The following OPCML variants were observed in gnomAD, a reference collection of about 807,000 sequenced individuals.
The protein encoded by OPCML is opioid binding protein/cell adhesion molecule like, also known as opioid-binding protein/cell adhesion molecule.
In OPCML, 13 loss-of-function variants were observed where a neutral mutation model predicts 37.8. The ratio of observed to expected loss-of-function variants is 0.34; its 90% CI spans 0.22 to 0.55. The LOEUF is 0.55. Ranked by LOEUF, OPCML falls within the 20% of genes least tolerant of loss-of-function variation. OPCML has a pLI of 0.91. For synonymous variants in OPCML, 176 were observed against 168.8 expected, an observed-to-expected ratio of 1.04 and a Z score of -0.33; for missense variants, 341 against 435.6, an observed-to-expected ratio of 0.78 and a Z score of 1.93.
intron 1 of OPCML, among the ~76,000 whole-genome samples, chr11:133,254,251 G>T (rs1161930569): frequency 6.6e-6 from 1 of 152,148 alleles, no homozygotes; most frequent in Non-Finnish European, 1.5e-5. Flanking sequence ...AGCACATTTT[G>T]GGCAGCAGGA....
chr11:132,936,136 A>T (rs745692645), intron 2 of OPCML, among the ~76,000 whole-genome samples: 2 of 152,292 alleles, frequency 1.3e-5, no homozygotes, highest in South Asian at 4.1e-4. Context: ...CCAAGAAGCA[A>T]GGAGACTCTA....
intron 4 of OPCML, among the ~76,000 whole-genome samples, chr11:132,488,716 T>A (rs1265026239): frequency 1.3e-5 from 2 of 152,248 alleles, no homozygotes; most frequent in Non-Finnish European, 2.9e-5. Context: ...TATTTTACTT[T>A]ACCAACATAA....
intron 2 of OPCML, among the ~76,000 whole-genome samples, chr11:132,821,285 C>A (rs1939971128): frequency 6.6e-6 from 1 of 152,152 alleles, no homozygotes; most frequent in African/African-American, 2.4e-5. Flanking sequence ...GCAAGGAGAT[C>A]CAGACATCCC....
chr11:132,442,304 T>A (rs1264977637), intron 4 of OPCML, among the ~76,000 whole-genome samples: 1 of 152,174 alleles, frequency 6.6e-6, no homozygotes, highest in African/African-American at 2.4e-5. Flanking sequence ...TATTTGGGGA[T>A]GAAAAAGATC....
chr11:132,922,113 C>T (rs1317187426), intron 2 of OPCML, among the ~76,000 whole-genome samples: 3 of 152,046 alleles, frequency 2.0e-5, no homozygotes, highest in African/African-American at 7.2e-5. Flanking sequence ...CTCCTGACCT[C>T]GTGATCCACC....
chr11:133,328,869 A>G lies in OPCML; in HGVS notation c.61+203395T>C, dbSNP rs573018483. Among the ~76,000 whole-genome samples, 238 of 152,314 alleles carry G rather than the reference A, an allele frequency of 1.6e-3. 6 individuals carry two copies. Among genetic ancestry groups the G allele is most frequent in the Middle Eastern group, 0.014 (4 of 294 alleles). On this transcript the variant is annotated intron_variant, in intron 1 of 7. Transcript: ENST00000524381. The stretch of plus-strand genomic sequence containing the variant: ...AGGAGAAGGAAATAAAGGGTATTCA[A>G]TTAGGAAAAGAGGAAGTCAAATTGT...
At chr11:132,445,359 A>C (rs1214002086) in intron 4 of OPCML, among the ~76,000 whole-genome samples, 1 of 152,220 alleles carries the variant, frequency 6.6e-6, no homozygotes, top group African/African-American at 2.4e-5. Flanking sequence ...CGAGGATGAC[A>C]CAAAGACAAA....
intron 1 of OPCML, among the ~76,000 whole-genome samples, chr11:133,456,244 C>T (rs931440892): frequency 6.6e-6 from 1 of 152,148 alleles, no homozygotes; most frequent in Non-Finnish European, 1.5e-5. Context: ...CAAATTAGGA[C>T]ATTTTAAAGC....
intron 1 of OPCML, among the ~76,000 whole-genome samples, chr11:133,512,195 C>T (rs555028177): frequency 6.6e-6 from 1 of 152,348 alleles, no homozygotes; most frequent in Admixed American, 6.5e-5. Context: ...AGCAACAAAT[C>T]AGGATTTGTC....
chr11:132,774,232 A>T (rs1179554803), intron 2 of OPCML, among the ~76,000 whole-genome samples: 1 of 152,214 alleles, frequency 6.6e-6, no homozygotes, highest in African/African-American at 2.4e-5. Context: ...GGTTCAAAAC[A>T]CGCAGCCTGG....
chr11:132,748,063 CTTT>C (rs34569655), intron 2 of OPCML, among the ~76,000 whole-genome samples: 8 of 140,450 alleles, frequency 5.7e-5, no homozygotes, highest in Admixed American at 7.0e-5. Context: ...AGCTGCTTGT[CTTT>C]TTTTTTTTTT....
At chr11:133,166,932 T>C (rs1239821633) in intron 1 of OPCML, among the ~76,000 whole-genome samples, 1 of 152,214 alleles carries the variant, frequency 6.6e-6, no homozygotes, top group Non-Finnish European at 1.5e-5. Flanking sequence ...GTGTGATTAA[T>C]GGCAAATAGG....
chr11:132,914,959 C>A (rs1323108764), intron 2 of OPCML, among the ~76,000 whole-genome samples: 1 of 152,234 alleles, frequency 6.6e-6, no homozygotes, highest in Non-Finnish European at 1.5e-5. Flanking sequence ...TATAACCAAT[C>A]ACATTGCCCT....
At chr11:133,293,878 A>T (rs1942551126) in intron 1 of OPCML, among the ~76,000 whole-genome samples, 1 of 87,994 alleles carries the variant, frequency 1.1e-5, no homozygotes, top group South Asian at 5.1e-4. Flanking sequence ...CATCCTAAAG[A>T]AAAAAAAAAA....
intron 1 of OPCML, chr11:133,007,119 T>C: frequency 1.0e-6 from 1 of 985,456 alleles, no homozygotes; most frequent in Non-Finnish European, 1.2e-6. Flanking sequence ...AGAGCTTTAT[T>C]TTCCCCAAAC....
intron 1 of OPCML, among the ~76,000 whole-genome samples, chr11:133,031,968 A>T (rs889183448): frequency 6.6e-6 from 1 of 152,230 alleles, no homozygotes; most frequent in African/African-American, 2.4e-5. Flanking sequence ...AACTCATTTA[A>T]TCTTCAACCT....
At chr11:133,199,493 G>A (rs1232164328) in intron 1 of OPCML, among the ~76,000 whole-genome samples, 1 of 152,164 alleles carries the variant, frequency 6.6e-6, no homozygotes, top group South Asian at 2.1e-4. Context: ...AGAGGCAGGG[G>A]AACAGTTAGC....
At chr11:132,997,491 G>T (rs1449234475) in intron 1 of OPCML, among the ~76,000 whole-genome samples, 1 of 152,134 alleles carries the variant, frequency 6.6e-6, no homozygotes, top group Non-Finnish European at 1.5e-5. Context: ...CATCTGATTG[G>T]CACATCCCAG....
chr11:132,856,585 A>C (rs1261441488), intron 2 of OPCML, among the ~76,000 whole-genome samples: 3 of 152,250 alleles, frequency 2.0e-5, no homozygotes, highest in Admixed American at 6.5e-5. Context: ...ATAAGCTCTC[A>C]GGAGGTGGAC....
Sources: gnomAD v4.1 joint callset for allele counts (sites outside exome capture counted in the v4.1 genomes callset) on GRCh38, gnomAD v4.1.1 for gene constraint, MANE v1.5 for transcripts, NCBI Gene and HGNC (gene_info 2026-07-23, HGNC 2026-07-21) for gene names.